The following TTC28 variants were observed in gnomAD, a reference collection of about 807,000 sequenced individuals.
TTC28 encodes tetratricopeptide repeat protein 28.
TTC28 carries 61 observed loss-of-function variants against 198.0 expected under a neutral mutation model. That is an observed-to-expected ratio of 0.31 (90% CI 0.25 to 0.38). The LOEUF (loss-of-function observed/expected upper bound fraction) is 0.38. Among genes scored for constraint, TTC28 ranks in the 10% least tolerant of loss-of-function variants. The pLI is 1.00. For missense variants in TTC28, 2,678 were observed against 3,164.0 expected (o/e 0.85, Z 3.69); for synonymous variants, 1,171 against 1,297.8 (o/e 0.90, Z 2.10).
At chr22:28,303,388 T>C (rs1254143832) in intron 3 of TTC28, among the ~76,000 whole-genome samples, 1 of 152,210 alleles carries the variant, frequency 6.6e-6, no homozygotes, top group African/African-American at 2.4e-5. Flanking sequence ...TATATTTTCA[T>C]TAATGATTTA....
chr22:28,176,865 A>T lies in TTC28; in HGVS notation c.934-13266T>A, dbSNP rs185596858. Among the ~76,000 whole-genome samples the T allele has an allele frequency of 1.2e-3, 190 of 152,338 alleles. 1 individual carries two copies. Among genetic ancestry groups the T allele is most frequent in the Non-Finnish European group, 2.1e-3 (146 of 68,022 alleles). ...AGACATCACATACAAAAAAATGAAT[A>T]TAGACACAGACCTTACACATTTAAC... On this transcript the variant is annotated intron_variant, in intron 5 of 22. Transcript: ENST00000397906.
chr22:28,561,125 G>A (rs919628468), intron 2 of TTC28, among the ~76,000 whole-genome samples: 2 of 134,780 alleles, frequency 1.5e-5, no homozygotes, highest in Middle Eastern at 5.5e-3. Context: ...CCAGGCTGGA[G>A]TGCAGTGGCG....
At chr22:28,332,428 C>A (rs1455768994) in intron 2 of TTC28, among the ~76,000 whole-genome samples, 7 of 151,948 alleles carry the variant, frequency 4.6e-5, no homozygotes. Flanking sequence ...AAAGTCAAAT[C>A]ATTCTCTTAA....
At chr22:28,519,742 A>T (rs1476801622) in intron 2 of TTC28, among the ~76,000 whole-genome samples, 1 of 152,184 alleles carries the variant, frequency 6.6e-6, no homozygotes, top group African/African-American at 2.4e-5. Context: ...ATGAGGAAAC[A>T]CATTTGAGCT....
intron 5 of TTC28, among the ~76,000 whole-genome samples, chr22:28,191,618 G>A (rs903953815): frequency 1.1e-4 from 16 of 152,214 alleles, no homozygotes; most frequent in Admixed American, 1.0e-3. Context: ...AACGGTCTTA[G>A]CAAATGGCAC....
At chr22:28,260,909 C>T (rs1011345287) in intron 5 of TTC28, among the ~76,000 whole-genome samples, 1 of 152,114 alleles carries the variant, frequency 6.6e-6, no homozygotes, top group African/African-American at 2.4e-5. Context: ...TCACCTACTC[C>T]TACTTTCTCT....
chr22:28,404,620 T>C (rs2046972134), intron 2 of TTC28, among the ~76,000 whole-genome samples: 1 of 152,190 alleles, frequency 6.6e-6, no homozygotes, highest in Admixed American at 6.5e-5. Flanking sequence ...CTATCATTCT[T>C]TCTATCACCG....
intron 1 of TTC28, among the ~76,000 whole-genome samples, chr22:28,648,904 G>T (rs1321188628): frequency 3.3e-5 from 5 of 150,728 alleles, no homozygotes; most frequent in Admixed American, 3.3e-4. Context: ...GCGAAACCTT[G>T]TCTCAAAAAA....
At chr22:28,137,144 TCTTTGGAGCCC>T (rs1943218275) in intron 6 of TTC28, among the ~76,000 whole-genome samples, 1 of 152,116 alleles carries the variant, frequency 6.6e-6, no homozygotes, top group Non-Finnish European at 1.5e-5. Flanking sequence ...TTGTATAAGT[TCTTTGGAGCCC>T]CTATGGAGAG....
At chr22:28,417,551 A>C (rs2047187096) in intron 2 of TTC28, among the ~76,000 whole-genome samples, 1 of 152,164 alleles carries the variant, frequency 6.6e-6, no homozygotes, top group Non-Finnish European at 1.5e-5. Context: ...GATAGACGAC[A>C]TATGGCTGAC....
intron 12 of TTC28, among the ~76,000 whole-genome samples, chr22:28,046,320 G>A (rs1462345145): frequency 1.3e-5 from 2 of 152,158 alleles, no homozygotes; most frequent in Non-Finnish European, 2.9e-5. Flanking sequence ...GAGTGCAGGT[G>A]CACAAACCTA....
At chr22:28,087,248 T>C (rs982262285) in intron 12 of TTC28, among the ~76,000 whole-genome samples, 1 of 152,154 alleles carries the variant, frequency 6.6e-6, no homozygotes, top group South Asian at 2.1e-4. Context: ...TGAACATTGA[T>C]GCAAAAATCC....
chr22:28,289,635 C>T (rs2044750234), intron 5 of TTC28, among the ~76,000 whole-genome samples: 1 of 151,996 alleles, frequency 6.6e-6, no homozygotes, highest in African/African-American at 2.4e-5. Flanking sequence ...GAGTTTAAGG[C>T]CACCGTGCAC....
intron 19 of TTC28, among the ~76,000 whole-genome samples, chr22:27,991,318 C>T (rs1937397774): frequency 6.6e-6 from 1 of 152,238 alleles, no homozygotes; most frequent in Non-Finnish European, 1.5e-5. Context: ...TTTTGGCTTT[C>T]AGATTTTGTA....
At chr22:28,027,288 CAA>C (rs1938874382) in intron 13 of TTC28, among the ~76,000 whole-genome samples, 1 of 152,194 alleles carries the variant, frequency 6.6e-6, no homozygotes, top group Non-Finnish European at 1.5e-5. Context: ...GGGTGCTGGC[CAA>C]GAGAAGGGTC....
chr22:28,230,666 T>C (rs1420253293), intron 5 of TTC28, among the ~76,000 whole-genome samples: 2 of 152,100 alleles, frequency 1.3e-5, no homozygotes, highest in East Asian at 1.9e-4. Context: ...TCGAGAGAAA[T>C]AGGATATTTT....
At chr22:28,106,724 G>A (rs550947568) in intron 7 of TTC28, among the ~76,000 whole-genome samples, 12 of 152,226 alleles carry the variant, frequency 7.9e-5, no homozygotes, top group African/African-American at 2.6e-4. Flanking sequence ...AAAGTGACTC[G>A]TTCACCTTCC....
intron 2 of TTC28, among the ~76,000 whole-genome samples, chr22:28,406,492 A>G (rs755133438): frequency 6.6e-6 from 1 of 152,180 alleles, no homozygotes; most frequent in Non-Finnish European, 1.5e-5. Context: ...TGTGTAGCGG[A>G]GGAACAGCCT....
chr22:28,348,806 G>A (rs2045947999), intron 2 of TTC28, among the ~76,000 whole-genome samples: 1 of 152,202 alleles, frequency 6.6e-6, no homozygotes, highest in Non-Finnish European at 1.5e-5. Context: ...AAATCAAAGT[G>A]AAATGCTGAA....
Sources: allele counts gnomAD v4.1 joint callset (sites outside exome capture counted in the v4.1 genomes callset), GRCh38; gene constraint gnomAD v4.1.1; transcripts MANE v1.5; gene names NCBI Gene and HGNC (gene_info 2026-07-23, HGNC 2026-07-21).